CALN1: variants seen among roughly 807,000 people sequenced by gnomAD.
CALN1 encodes calneuron 1, also known as calcium-binding protein 8.
Under a neutral mutation model 30.6 loss-of-function variants are expected in CALN1, and 17 were observed. The observed-to-expected ratio is 0.56, with a 90% CI of 0.38 to 0.83. The LOEUF (loss-of-function observed/expected upper bound fraction) is 0.83. Among genes scored for constraint, CALN1 ranks in the 40% least tolerant of loss-of-function variants. The pLI, the probability that CALN1 is intolerant of heterozygous loss-of-function variation, is 0.00. For missense variants in CALN1, 291 were observed against 354.9 expected (o/e 0.82, Z 1.45); for synonymous variants, 156 against 131.4 (o/e 1.19, Z -1.28).
At chr7:72,394,169 A>G (rs1461907258) in intron 2 of CALN1, among the ~76,000 whole-genome samples, 2 of 152,206 alleles carry the variant, frequency 1.3e-5, no homozygotes, top group South Asian at 2.1e-4. Context: ...ACTTCTCTTG[A>G]TCCTGCACCC....
the CALN1 span, among the ~76,000 whole-genome samples, chr7:72,456,997 T>A: frequency 6.9e-6 from 1 of 144,156 alleles, no homozygotes; most frequent in South Asian, 2.7e-4. Flanking sequence ...TTTCTTTTTC[T>A]TTCTTTCTTT....
At chr7:72,499,911 T>TTCTC in the CALN1 span, among the ~76,000 whole-genome samples, 4 of 40,582 alleles carry the variant, frequency 9.9e-5, 1 homozygote, top group African/African-American at 1.5e-4. Context: ...CTTTCTTTCT[T>TTCTC]TCTATCTTTC....
intron 3 of CALN1, among the ~76,000 whole-genome samples, chr7:72,204,569 T>C (rs752831322): frequency 3.6e-4 from 55 of 152,196 alleles, no homozygotes; most frequent in Non-Finnish European, 5.9e-4. Context: ...CGAGGTAAAA[T>C]TTCCTGAGAT....
chr7:72,363,092 G>A (rs181165096), intron 2 of CALN1, among the ~76,000 whole-genome samples: 10 of 152,154 alleles, frequency 6.6e-5, no homozygotes, highest in Non-Finnish European at 1.3e-4. Context: ...GCAAACTTAC[G>A]TCATGGGGGT....
At chr7:72,479,089 C>T in the CALN1 span, among the ~76,000 whole-genome samples, 4 of 152,046 alleles carry the variant, frequency 2.6e-5, no homozygotes, top group Non-Finnish European at 5.9e-5. Flanking sequence ...ACCGTGTTAG[C>T]CAGGCTGGTC....
intron 2 of CALN1, among the ~76,000 whole-genome samples, chr7:72,289,762 C>G: frequency 6.6e-6 from 1 of 152,056 alleles, no homozygotes; most frequent in Admixed American, 6.6e-5. Flanking sequence ...TGATTTTTCA[C>G]TTATTTCATT....
chr7:72,023,812 C>T, intron 4 of CALN1, 43 bp from the exon 5 acceptor site: 2 of 1,450,184 alleles, frequency 1.4e-6, no homozygotes, highest in Non-Finnish European at 1.9e-6. Context: ...ACAAGCTGAA[C>T]TTGACCTACC....
At chr7:71,857,032 G>A (rs941923749) in intron 5 of CALN1, among the ~76,000 whole-genome samples, 1 of 151,144 alleles carries the variant, frequency 6.6e-6, no homozygotes, top group Non-Finnish European at 1.5e-5. Context: ...GTGTGTGTGT[G>A]TGTGTGTGTG....
intron 1 of CALN1, among the ~76,000 whole-genome samples, chr7:72,411,847 G>A (rs1015800979): frequency 2.0e-5 from 3 of 152,162 alleles, no homozygotes; most frequent in Non-Finnish European, 4.4e-5. Flanking sequence ...TTTCCATACA[G>A]ATTATATTCC....
At chr7:72,283,305 A>C (rs748072669) in intron 2 of CALN1, among the ~76,000 whole-genome samples, 2 of 152,180 alleles carry the variant, frequency 1.3e-5, no homozygotes, top group Admixed American at 1.3e-4. Flanking sequence ...AGGGAGGATC[A>C]CTTGATGTCA....
intron 3 of CALN1, among the ~76,000 whole-genome samples, chr7:72,225,835 G>A (rs1441762374): frequency 6.6e-6 from 1 of 152,058 alleles, no homozygotes; most frequent in Non-Finnish European, 1.5e-5. Flanking sequence ...CAGTGGATCA[G>A]GCCTGTAATC....
At chr7:72,221,788 G>A (rs958569815) in intron 3 of CALN1, among the ~76,000 whole-genome samples, 13 of 152,012 alleles carry the variant, frequency 8.6e-5, no homozygotes, top group Middle Eastern at 6.8e-3. Context: ...AACTCAGGAG[G>A]TTGAGGCAGA....
chr7:71,832,386 G>C (rs1789340539), intron 5 of CALN1, among the ~76,000 whole-genome samples: 1 of 152,204 alleles, frequency 6.6e-6, no homozygotes, highest in South Asian at 2.1e-4. Context: ...CAGCAACAAA[G>C]TGCAATCTAA....
At chr7:72,104,184 C>A in intron 4 of CALN1, 1 of 153,454 alleles carries the variant, frequency 6.5e-6, no homozygotes, top group South Asian at 1.8e-4. Context: ...GATGAGAATC[C>A]CCAGCTCACC....
chr7:72,277,074 G>C (rs1342381496), intron 3 of CALN1, among the ~76,000 whole-genome samples: 1 of 151,824 alleles, frequency 6.6e-6, no homozygotes, highest in Non-Finnish European at 1.5e-5. Context: ...CCTAGTCTAT[G>C]GTGTTTTGTT....
chr7:72,403,147 G>A (rs1806452837), intron 2 of CALN1, 104 bp downstream of exon 2: 2 of 782,532 alleles, frequency 2.6e-6, no homozygotes, highest in African/African-American at 1.7e-5. Context: ...CTCCTCTCCA[G>A]CCTAGACACG....
chr7:72,430,717 T>C (rs1807945934), intron 1 of CALN1, among the ~76,000 whole-genome samples: 1 of 152,132 alleles, frequency 6.6e-6, no homozygotes, highest in South Asian at 2.1e-4. Flanking sequence ...AAGGACCCGG[T>C]CTGGCTGTAC....
intron 3 of CALN1, among the ~76,000 whole-genome samples, chr7:72,215,979 T>G (rs563152914): frequency 2.6e-5 from 4 of 152,232 alleles, no homozygotes; most frequent in African/African-American, 4.8e-5. Flanking sequence ...AATCTGAGAC[T>G]CCTCCTGTTC....
intron 2 of CALN1, among the ~76,000 whole-genome samples, chr7:72,381,143 A>G (rs183352082): frequency 9.6e-4 from 146 of 152,346 alleles, no homozygotes; most frequent in Non-Finnish European, 1.9e-3. Context: ...ACAAAGACAT[A>G]AACATGTTGA....
Sources: allele counts gnomAD v4.1 joint callset (sites outside exome capture counted in the v4.1 genomes callset), GRCh38; gene constraint gnomAD v4.1.1; transcripts MANE v1.5; gene names NCBI Gene and HGNC (gene_info 2026-07-23, HGNC 2026-07-21).